OS9: variants seen among roughly 807,000 people sequenced by gnomAD.
OS9 encodes the protein protein OS-9.
OS9 carries 58 observed loss-of-function variants against 84.7 expected under a neutral mutation model. The observed-to-expected ratio is 0.68, with a 90% CI of 0.55 to 0.85. OS9 has a LOEUF of 0.85. Among genes scored for constraint, OS9 ranks in the 40% least tolerant of loss-of-function variants. The pLI is 0.00. For missense variants in OS9, 760 were observed against 850.9 expected (o/e 0.89, Z 1.33); for synonymous variants, 278 against 320.8 (o/e 0.87, Z 1.43).
Position 57,720,228 on chromosome 12 carries a change from A to G in OS9, c.1730A>G (p.Lys577Arg). ...PQLKQIEGLV[K>R]ELLEREGLTA... ...CTGAAACAAATCGAGGGGCTGGTGA[A>G]GGAGCTGCTGGAGAGGGAGGGACTC... The change falls in exon 13 of 15, where the codon AAG becomes AGG. Residue 577 changes from lysine (K) to arginine (R), a missense_variant. By Grantham distance (26) the Lys-to-Arg change is conservative. Coordinates refer to ENST00000315970, the MANE Select transcript of OS9 (RefSeq NM_006812.4). 1.2e-6 allele frequency: 2 copies of G among 1,614,138 alleles called. No homozygotes were observed. The highest frequency in any genetic ancestry group is 1.7e-6 in the Non-Finnish European group (2 of 1,180,022).
chr12:57,721,497 T>G lies in OS9; in HGVS notation c.*588T>G, dbSNP rs1170614067. The G allele has an allele frequency of 6.5e-6, 1 of 152,996 alleles. No homozygotes were observed. Among genetic ancestry groups the G allele is most frequent in the Admixed American group, 6.5e-5 (1 of 15,420 alleles). 9.5% of individuals were successfully genotyped at this position (152,996 alleles called of 1,614,324 possible). ...TCCAGCACAATCCCAGTGAAAAAGG[T>G]GTGAAGCACCCACCATGTTCTTGAA... On this transcript the variant is annotated 3_prime_UTR_variant, in exon 15 of 15. Coordinates refer to ENST00000315970, the MANE Select transcript of OS9 (RefSeq NM_006812.4).
chr12:57,703,807 T>A (rs1364180005), intron 5 of OS9, among the ~76,000 whole-genome samples: 1 of 152,232 alleles, frequency 6.6e-6, no homozygotes, highest in Non-Finnish European at 1.5e-5. Context: ...CTTTCATTTC[T>A]TTTTCATTCC....
intron 5 of OS9, among the ~76,000 whole-genome samples, chr12:57,701,401 G>A (rs373930547): frequency 6.6e-6 from 1 of 150,884 alleles, no homozygotes; most frequent in African/African-American, 2.4e-5. Flanking sequence ...TCAGCCTCCT[G>A]AGTAGCTGGG....
At chr12:57,702,446 T>TC (rs1954053265) in intron 5 of OS9, among the ~76,000 whole-genome samples, 1 of 152,236 alleles carries the variant, frequency 6.6e-6, no homozygotes, top group African/African-American at 2.4e-5. Context: ...CATGTTCCAT[T>TC]GTCTGTATAT....
rs1452706756 is a variant in OS9, at chr12:57,715,976, T to C, written c.790+6T>C. 6.2e-7 allele frequency: 1 copy of C among 1,608,954 alleles called. No homozygotes were observed. The highest frequency in any genetic ancestry group is 8.5e-7 in the Non-Finnish European group (1 of 1,177,080). ...CTACGTTCAGAGGCAAGCCGGTGAGTAATTAGAGAAGGAGGAGAAGACGGG... is the reference window on the plus strand; with the variant it reads ...CTACGTTCAGAGGCAAGCCGGTGAGCAATTAGAGAAGGAGGAGAAGACGGG... On this transcript the variant is annotated splice_donor_region_variant and intron_variant, in intron 6 of 14. Transcript: ENST00000315970.
At chr12:57,716,844 C>T in intron 9 of OS9, 100 bp downstream of exon 9, 1 of 1,018,538 alleles carries the variant, frequency 9.8e-7, no homozygotes, top group Non-Finnish European at 1.5e-6. Flanking sequence ...GTTGGGTAGC[C>T]AGGCCGGCAG....
chr12:57,694,664 C>A, intron 1 of OS9, 86 bp from the exon 2 acceptor site: 1 of 1,355,922 alleles, frequency 7.4e-7, no homozygotes, highest in Non-Finnish European at 1.1e-6. Context: ...GATCTCTTCC[C>A]CAGGGTTTGA....
chr12:57,721,113 G>T lies in OS9; in HGVS notation c.*204G>T. On this transcript the variant is annotated 3_prime_UTR_variant, in exon 15 of 15. Transcript: ENST00000315970. ...GGCAGCCACCTTGAGACCTCACCGG[G>T]CCTGTGATATTTGCTCTCCTGAACT... The T allele has an allele frequency of 3.6e-6, 2 of 558,738 alleles. No individual in the cohort carries two copies. Among genetic ancestry groups the T allele is most frequent in the Non-Finnish European group, 6.4e-6 (2 of 311,718 alleles). 34.6% of individuals were successfully genotyped at this position (558,738 alleles called of 1,614,324 possible).
At position 57,695,720 on chromosome 12, in the gene OS9, TG is replaced by T. The variant is rs1953806278; in HGVS notation, c.340-58del. The T allele has an allele frequency of 2.8e-6, 3 of 1,070,998 alleles. No individual in the cohort carries two copies. In the East Asian group the frequency reaches 7.1e-5, roughly 25 times the overall value. The allele number at this position is 1,070,998 out of a possible 1,614,324, so 66.3% of individuals were successfully genotyped here. On this transcript the variant is annotated intron_variant, in intron 2 of 14. Transcript: ENST00000315970. ...TATGTGTCTTGGAGCCAGGAGACTC[TG>T]GTTCCAAGAAAAGATGTCTGCACTC...
intron 5 of OS9, among the ~76,000 whole-genome samples, chr12:57,698,413 G>A (rs1433986554): frequency 6.6e-6 from 1 of 152,180 alleles, no homozygotes; most frequent in Non-Finnish European, 1.5e-5. Flanking sequence ...TATGCCCTGT[G>A]CCAAGCACTA....
chr12:57,708,467 A>C (rs1351177291), intron 5 of OS9, among the ~76,000 whole-genome samples: 1 of 152,032 alleles, frequency 6.6e-6, no homozygotes, highest in Non-Finnish European at 1.5e-5. Flanking sequence ...TCCCATCTCT[A>C]CAAAAAAATA....
chr12:57,695,946 G>T lies in OS9; in HGVS notation c.404-16G>T, dbSNP rs1462619495. ...CTCTTAAGAGTAACAGTGCTTCACT[G>T]TGGCTTCCCTTGCAGATTCAGAGAT... On this transcript the variant is annotated splice_polypyrimidine_tract_variant and intron_variant, in intron 3 of 14. Coordinates refer to ENST00000315970, the MANE Select transcript of OS9 (RefSeq NM_006812.4). 1 of 1,608,078 alleles carries T rather than the reference G, an allele frequency of 6.2e-7. No homozygotes were observed. The highest frequency in any genetic ancestry group is 8.5e-7 in the Non-Finnish European group (1 of 1,174,658).
At position 57,720,494 on chromosome 12, in the gene OS9, C is replaced by T. The variant is rs375043827; in HGVS notation, c.1854C>T (p.Leu618=). The T allele has an allele frequency of 1.7e-5, 27 of 1,612,358 alleles. No homozygotes were observed. Among genetic ancestry groups the T allele is most frequent in the Middle Eastern group, 1.6e-4 (1 of 6,078 alleles). ...RWLTDEDTRN[L]KEIFFNILVP... ...TGACTGATGAGGACACGAGAAACCT[C>T]AAGGAGATCTTCTTCAATATCTTGG... Residue 618 remains leucine, a synonymous_variant, in exon 14 of 15, where the codon CTC becomes CTT. Coordinates refer to ENST00000315970, the MANE Select transcript of OS9 (RefSeq NM_006812.4).
At chr12:57,716,353 G>T in intron 7 of OS9, 59 bp from the exon 8 acceptor site, 9 of 1,396,738 alleles carry the variant, frequency 6.4e-6, no homozygotes, top group Non-Finnish European at 8.9e-6. Flanking sequence ...CATCCTATTT[G>T]CTCCCTTCTG....
chr12:57,704,663 A>G (rs1361830398), intron 5 of OS9, among the ~76,000 whole-genome samples: 3 of 152,176 alleles, frequency 2.0e-5, no homozygotes, highest in African/African-American at 4.8e-5. Context: ...TAAATTTCAG[A>G]TTTAATTATT....
intron 4 of OS9, 90 bp from the exon 5 acceptor site, chr12:57,696,185 C>A: frequency 1.6e-6 from 2 of 1,255,802 alleles, no homozygotes; most frequent in Non-Finnish European, 2.3e-6. Context: ...GGGGCACAGG[C>A]CATTCTTTTG....
chr12:57,700,746 G>C (rs1331235353), intron 5 of OS9, among the ~76,000 whole-genome samples: 2 of 151,426 alleles, frequency 1.3e-5, no homozygotes, highest in African/African-American at 2.4e-5. Context: ...AAGGAGGAGA[G>C]GGAGATCAAG....
In OS9 at chr12:57,720,396, T is replaced by C. The variant is rs1489711967; in HGVS notation, c.1766-10T>C. On this transcript the variant is annotated splice_polypyrimidine_tract_variant and intron_variant, in intron 13 of 14. Coordinates refer to ENST00000315970, the MANE Select transcript of OS9 (RefSeq NM_006812.4). ...ATCCTCTCCTCTCACTGCATACTGC[T>C]CCTTTCCAGGGAAAATTGAGATCAA... 1.2e-6 allele frequency: 2 copies of C among 1,609,546 alleles called. No homozygotes were observed. Among genetic ancestry groups the C allele is most frequent in the African/African-American group, 1.3e-5 (1 of 74,844 alleles).
chr12:57,700,275 G>T (rs1191393398), intron 5 of OS9, among the ~76,000 whole-genome samples: 1 of 152,082 alleles, frequency 6.6e-6, no homozygotes, highest in Non-Finnish European at 1.5e-5. Flanking sequence ...GAAGACTTGG[G>T]TGAATGTTAG....
Sources: gnomAD v4.1 joint callset for allele counts (sites outside exome capture counted in the v4.1 genomes callset) on GRCh38, gnomAD v4.1.1 for gene constraint, MANE v1.5 for transcripts, NCBI Gene and HGNC (gene_info 2026-07-23, HGNC 2026-07-21) for gene names.